CCT3: variants seen among roughly 807,000 people sequenced by gnomAD.
CCT3 encodes T-complex protein 1 subunit gamma.
CCT3 carries 10 observed loss-of-function variants against 65.3 expected under a neutral mutation model. That is an observed-to-expected ratio of 0.15 (90% CI 0.09 to 0.26). CCT3 has a LOEUF of 0.26. CCT3 is among the 10% of genes least tolerant of loss of function. CCT3 has a pLI of 1.00. For synonymous variants in CCT3, 225 were observed against 242.3 expected (o/e 0.93, Z 0.66); for missense variants, 626 against 708.7 (o/e 0.88, Z 1.33).
rs376398280 is a variant in CCT3, at chr1:156,310,639, C to T, written c.1452G>A (p.Thr484=). 1.7e-5 allele frequency: 28 copies of T among 1,613,962 alleles called. No homozygotes were observed. Among genetic ancestry groups the T allele is most frequent in the African/African-American group, 1.7e-4 (13 of 75,046 alleles). Residue 484 remains threonine, a synonymous_variant, in exon 13 of 14, where the codon ACG becomes ACA. Coordinates refer to ENST00000295688, the MANE Select transcript of CCT3 (RefSeq NM_005998.5). Reference sequence around the variant, plus strand: ...GTTCCTTCATGTCCACCAAAGTACCCGTCTCACCATTTACACCCCAGGTCT... The same window carrying T: ...GTTCCTTCATGTCCACCAAAGTACCTGTCTCACCATTTACACCCCAGGTCT... ...NCETWGVNGE[T]GTLVDMKELG...
intron 6 of CCT3, among the ~76,000 whole-genome samples, chr1:156,323,484 A>G (rs1365342502): frequency 6.6e-6 from 1 of 151,962 alleles, no homozygotes; most frequent in African/African-American, 2.4e-5. Context: ...TTTATTTTTG[A>G]GATGGAGTCT....
chr1:156,320,269 C>A (rs1488949639), intron 7 of CCT3, among the ~76,000 whole-genome samples: 1 of 151,924 alleles, frequency 6.6e-6, no homozygotes, highest in Non-Finnish European at 1.5e-5. Context: ...ATTAGCTGGG[C>A]GTGGTGGCAG....
chr1:156,317,199 C>T lies in CCT3; in HGVS notation c.941G>A (p.Arg314Lys). Reference protein sequence around the residue: ...LMRANITAIRRVRKTDNNRIA... With the variant: ...LMRANITAIRKVRKTDNNRIA... ...GCGATTATTGTCTGTCTTCCGGACT[C>T]TGCGGATGGCTGTGATATTGGCCCG... The change falls in exon 10 of 14, where the codon AGA becomes AAA. Residue 314 changes from arginine (R) to lysine (K), a missense_variant. Arg to Lys is a conservative substitution (Grantham distance 26). Transcript: ENST00000295688. 1.9e-6 allele frequency: 3 copies of T among 1,614,208 alleles called. No homozygotes were observed. The highest frequency in any genetic ancestry group is 2.5e-6 in the Non-Finnish European group (3 of 1,180,032).
chr1:156,314,142 T>C (rs1664209150), intron 10 of CCT3, among the ~76,000 whole-genome samples: 1 of 143,334 alleles, frequency 7.0e-6, no homozygotes, highest in Non-Finnish European at 1.5e-5. Context: ...AAAGAGAACA[T>C]GATGAAAATA....
intron 6 of CCT3, among the ~76,000 whole-genome samples, chr1:156,323,010 G>A (rs1664629989): frequency 6.7e-6 from 1 of 148,684 alleles, no homozygotes; most frequent in Admixed American, 6.7e-5. Flanking sequence ...ACTTGTTTAA[G>A]AGCAGGCAGT....
intron 10 of CCT3, among the ~76,000 whole-genome samples, chr1:156,315,024 T>TGAGTTCCAC (rs1558265333): frequency 1.3e-5 from 2 of 152,028 alleles, no homozygotes; most frequent in African/African-American, 2.4e-5. Context: ...TGTATTTCCA[T>TGAGTTCCAC]TGAGTTACAC....
intron 13 of CCT3, among the ~76,000 whole-genome samples, chr1:156,309,768 G>C (rs867363698): frequency 2.0e-5 from 3 of 151,746 alleles, no homozygotes; most frequent in South Asian, 4.2e-4. Context: ...GCCAGGTGTG[G>C]TGGCTCACAC....
At chr1:156,327,465 A>AT (rs1201330403) in intron 5 of CCT3, among the ~76,000 whole-genome samples, 33 of 151,964 alleles carry the variant, frequency 2.2e-4, no homozygotes, top group Non-Finnish European at 3.5e-4. Context: ...TGGTTTTCGT[A>AT]TTTTTTTGGT....
At chr1:156,318,770 C>T (rs1664415917) in intron 8 of CCT3, 98 bp downstream of exon 8, 2 of 1,186,740 alleles carry the variant, frequency 1.7e-6, no homozygotes, top group Middle Eastern at 5.8e-4. Flanking sequence ...ACACTATGCA[C>T]CCAGAAGGCA....
intron 6 of CCT3, among the ~76,000 whole-genome samples, chr1:156,323,397 G>A (rs745571612): frequency 2.0e-5 from 3 of 149,186 alleles, no homozygotes; most frequent in Non-Finnish European, 3.0e-5. Context: ...AACCATATGA[G>A]TAGAATATTT....
intron 4 of CCT3, 149 bp downstream of exon 4, chr1:156,334,564 A>G: frequency 1.5e-6 from 1 of 685,790 alleles, no homozygotes; most frequent in Non-Finnish European, 2.5e-6. Flanking sequence ...ATTCTATAAG[A>G]TAATAAATTT....
chr1:156,327,448 G>T (rs993257714), intron 5 of CCT3, among the ~76,000 whole-genome samples: 3 of 151,946 alleles, frequency 2.0e-5, no homozygotes, highest in Non-Finnish European at 4.4e-5. Context: ...GCGCCGCCAC[G>T]CCTGACTGGT....
chr1:156,313,350 G>GGAAAAAAAAAAA (rs570894422), intron 10 of CCT3, among the ~76,000 whole-genome samples: 11 of 106,744 alleles, frequency 1.0e-4, no homozygotes, highest in African/African-American at 1.6e-4. Context: ...AAAAAAAAAA[G>GGAAAAAAAAAAA]AAAAAAAAAA....
intron 5 of CCT3, among the ~76,000 whole-genome samples, chr1:156,330,256 T>G (rs1665051275): frequency 6.6e-6 from 1 of 152,210 alleles, no homozygotes; most frequent in Admixed American, 6.5e-5. Flanking sequence ...AGGTTTTCCC[T>G]AAAAGTCCAT....
chr1:156,325,341 C>T (rs1664754394), intron 5 of CCT3, among the ~76,000 whole-genome samples: 1 of 152,074 alleles, frequency 6.6e-6, no homozygotes, highest in African/African-American at 2.4e-5. Context: ...GCCTGGGCAA[C>T]ACAGTGAGAC....
intron 5 of CCT3, among the ~76,000 whole-genome samples, chr1:156,325,742 TA>T (rs1664774278): frequency 6.6e-6 from 1 of 151,956 alleles, no homozygotes; most frequent in Non-Finnish European, 1.5e-5. Flanking sequence ...CACACCCAGC[TA>T]ACTTTTGTAC....
chr1:156,335,067 C>T, intron 2 of CCT3, 149 bp from the exon 3 acceptor site: 1 of 639,348 alleles, frequency 1.6e-6, no homozygotes. Flanking sequence ...TATGGGGTCT[C>T]ACCATGTTGC....
At chr1:156,329,600 C>T (rs1292560305) in intron 5 of CCT3, among the ~76,000 whole-genome samples, 4 of 151,982 alleles carry the variant, frequency 2.6e-5, no homozygotes, top group South Asian at 4.2e-4. Context: ...CCACCGCGCC[C>T]AGCCCATATC....
At chr1:156,314,764 T>C (rs867476049) in intron 10 of CCT3, among the ~76,000 whole-genome samples, 6 of 152,126 alleles carry the variant, frequency 3.9e-5, no homozygotes, top group South Asian at 2.1e-4. Context: ...GATGACTTGA[T>C]GGAGACGACT....
Sources: gnomAD v4.1 joint callset for allele counts (sites outside exome capture counted in the v4.1 genomes callset) on GRCh38, gnomAD v4.1.1 for gene constraint, MANE v1.5 for transcripts, NCBI Gene and HGNC (gene_info 2026-07-23, HGNC 2026-07-21) for gene names.